Variants in HDAC7 observed in about 807,000 individuals in gnomAD.
HDAC7 encodes histone deacetylase 7A.
HDAC7 carries 26 observed loss-of-function variants against 115.5 expected under a neutral mutation model. The ratio of observed to expected loss-of-function variants is 0.23; its 90% CI spans 0.16 to 0.31. The LOEUF (loss-of-function observed/expected upper bound fraction) is 0.31. HDAC7 is among the 10% of genes least tolerant of loss of function. The pLI, the probability that HDAC7 is intolerant of heterozygous loss-of-function variation, is 1.00. For synonymous variants in HDAC7, 564 were observed against 550.9 expected (o/e 1.02, Z -0.33); for missense variants, 1,068 against 1,329.0 (o/e 0.80, Z 3.05).
At position 47,795,083 on chromosome 12, in the gene HDAC7, G is replaced by GC; in HGVS notation, c.1284+100dup. ...CCAAGAAGCCACATCCCCCTCTTTT[G>GC]CCCTCCAGTTCCCTGCCCTTTCTAA... On this transcript the variant is annotated intron_variant, in intron 11 of 25. Transcript: ENST00000080059. This position sits in a 1 kb window ranked among gnomAD's most constrained non-coding sequence, Gnocchi z 4.3. 7.6e-7 allele frequency: 1 copy of GC among 1,315,320 alleles called. No homozygotes were observed. Among genetic ancestry groups the GC allele is most frequent in the Non-Finnish European group, 1.1e-6 (1 of 940,296 alleles). The allele number at this position is 1,315,320 out of a possible 1,614,324, so 81.5% of individuals were successfully genotyped here. A position where few individuals can be genotyped will look rare whatever the true frequency, so the allele number is the denominator to read the frequency against.
intron 1 of HDAC7, chr12:47,819,029 C>T (rs1162608904): frequency 6.6e-6 from 1 of 152,430 alleles, no homozygotes; most frequent in South Asian, 2.1e-4. Context: ...GACCCCAGGC[C>T]TGGGGGGTGC....
Position 47,786,671 on chromosome 12 carries a change from G to A in HDAC7, c.2486C>T (p.Ser829Phe), listed in dbSNP as rs758968557. Residue 829 changes from serine (S) to phenylalanine (F), a missense_variant, in exon 22 of 26, where the codon TCT (serine) becomes TTT (phenylalanine). Ser to Phe is a radical substitution (Grantham distance 155). Around this residue, in one of 6 missense-constraint regions of HDAC7, gnomAD observed 182 missense variants for 301.1 expected, o/e 0.60. Transcript: ENST00000080059. ...IVVMPIAREF[S>F]PDLVLVSAGF... is the part of the protein sequence containing the mutation. ...AGCAGACACCAGGACTAGGTCTGGA[G>A]AGAACTCTCGGGCGATGGGCATCAC... The A allele has an allele frequency of 1.9e-6, 3 of 1,614,094 alleles. No homozygotes were observed. The highest frequency in any genetic ancestry group is 1.3e-5 in the African/African-American group (1 of 75,068).
intron 1 of HDAC7, among the ~76,000 whole-genome samples, chr12:47,816,549 C>A (rs1944855296): frequency 6.6e-6 from 1 of 152,176 alleles, no homozygotes; most frequent in African/African-American, 2.4e-5. Flanking sequence ...CACACAGATA[C>A]CCACCACGCA....
chr12:47,791,834 T>G, intron 14 of HDAC7, 37 bp downstream of exon 14: 2 of 481,988 alleles, frequency 4.1e-6, no homozygotes, highest in Non-Finnish European at 6.1e-6. Flanking sequence ...GACTCCTCCC[T>G]CCACCCATTC....
intron 1 of HDAC7, among the ~76,000 whole-genome samples, chr12:47,816,723 G>A (rs1944859672): frequency 6.6e-6 from 1 of 152,156 alleles, no homozygotes; most frequent in African/African-American, 2.4e-5. Context: ...CTTGCCCCAG[G>A]CAGCATGCTA....
At position 47,797,330 on chromosome 12, in the gene HDAC7, C is replaced by T. The variant is rs556118907; in HGVS notation, c.577+54G>A. ...CCCCTGCACACTCCTCCCCCATGTC[C>T]GAGGCCCTTCCCCCTTCCTTTGCCT... On this transcript the variant is annotated intron_variant, in intron 6 of 25. Coordinates refer to ENST00000080059, the MANE Select transcript of HDAC7 (RefSeq NM_015401.5). This position sits in a 1 kb window ranked among gnomAD's most constrained non-coding sequence, Gnocchi z 5.5. The T allele has an allele frequency of 3.0e-5, 45 of 1,503,290 alleles. No individual in the cohort carries two copies. In the African/African-American group the frequency reaches 4.1e-4, roughly 14 times the overall value. The allele number at this position is 1,503,290 out of a possible 1,614,324, so 93.1% of individuals were successfully genotyped here. A position where few individuals can be genotyped will look rare whatever the true frequency, so the allele number is the denominator to read the frequency against.
At chr12:47,799,100 C>A in intron 2 of HDAC7, 128 bp from the exon 3 acceptor site, 1 of 641,834 alleles carries the variant, frequency 1.6e-6, no homozygotes. Flanking sequence ...GGGGGTTTTT[C>A]CTCACTTAAT....
intron 24 of HDAC7, 194 bp downstream of exon 24, chr12:47,785,193 G>T (rs769543820): frequency 3.4e-6 from 2 of 586,784 alleles, no homozygotes; most frequent in South Asian, 2.1e-5. Flanking sequence ...GGCTCCATCG[G>T]GGGGGCTCAG....
intron 2 of HDAC7, among the ~76,000 whole-genome samples, chr12:47,800,202 A>G (rs182923328): frequency 6.6e-6 from 1 of 152,290 alleles, no homozygotes; most frequent in Admixed American, 6.5e-5. Context: ...GTTATCCTAA[A>G]TAAGGAAACC....
rs142871222 is a variant in HDAC7, at chr12:47,794,803, T to G, written c.1415A>C (p.Gln472Pro). ...AGGAGCGGGGCCTCTGGCCTCAGGCTGCCCATGGCCCAGCTCCCTGTGCTC... is the reference window on the plus strand; with the variant it reads ...AGGAGCGGGGCCTCTGGCCTCAGGCGGCCCATGGCCCAGCTCCCTGTGCTC... ...GLEHRELGHG[Q>P]PEARGPAPLQ... is the part of the protein sequence containing the mutation. The change falls in exon 12 of 26, where the codon CAG (glutamine) becomes CCG (proline). Residue 472 changes from glutamine (Q) to proline (P), a missense_variant. Physicochemically the swap from Gln to Pro is moderately conservative, Grantham distance 76 (BLOSUM62 -1). This residue lies in a region of HDAC7 where 618 missense variants were observed against 701.5 expected (regional missense o/e 0.88). Coordinates refer to ENST00000080059, the MANE Select transcript of HDAC7 (RefSeq NM_015401.5). 8.7e-6 allele frequency: 14 copies of G among 1,611,948 alleles called. No individual in the cohort carries two copies. Among genetic ancestry groups the G allele is most frequent in the Non-Finnish European group, 1.0e-5 (12 of 1,179,382 alleles).
chr12:47,796,921 TAAG>T (rs1943881336), intron 7 of HDAC7, 93 bp downstream of exon 7: 1 of 1,409,584 alleles, frequency 7.1e-7, no homozygotes, highest in Non-Finnish European at 9.4e-7. Context: ...ATGGCAGTCC[TAAG>T]GAGGGGACCC....
intron 24 of HDAC7, 127 bp from the exon 25 acceptor site, chr12:47,784,344 A>G (rs3192737): frequency 0.78 from 815,307 of 1,039,176 alleles, 322,034 homozygotes; most frequent in East Asian, 0.92. Flanking sequence ...TCCTCCACTT[A>G]GGGTCGGCTC....
Position 47,795,643 on chromosome 12 carries a change from C to A in HDAC7, c.1031G>T (p.Arg344Leu), listed in dbSNP as rs1943778626. ...GTCCAGGAGGAGAATGGGCTGCAGGCGAGAGGGCAAGGTGCCCCCAGCCTC... is the reference window on the plus strand; with the variant it reads ...GTCCAGGAGGAGAATGGGCTGCAGGAGAGAGGGCAAGGTGCCCCCAGCCTC... ...EPEAGGTLPSRLQPILLLDPS... is the reference protein window; with the variant it reads ...EPEAGGTLPSLLQPILLLDPS... The change falls in exon 10 of 26, where the codon CGC becomes CTC. Residue 344 changes from arginine (R) to leucine (L), a missense_variant. Coordinates refer to ENST00000080059, the MANE Select transcript of HDAC7 (RefSeq NM_015401.5). This position sits in a 1 kb window ranked among gnomAD's most constrained non-coding sequence, Gnocchi z 4.3. The A allele has an allele frequency of 6.4e-7, 1 of 1,555,706 alleles. No individual in the cohort carries two copies.
intron 17 of HDAC7, 52 bp downstream of exon 17, chr12:47,789,761 C>A (rs762371157): frequency 2.1e-5 from 30 of 1,456,536 alleles, no homozygotes; most frequent in Non-Finnish European, 2.7e-5. Context: ...CCCCACTACC[C>A]CACTCTGCTT....
intron 23 of HDAC7, 71 bp downstream of exon 23, chr12:47,785,681 T>C (rs769039283): frequency 4.4e-5 from 67 of 1,525,186 alleles, no homozygotes; most frequent in Non-Finnish European, 5.6e-5. Flanking sequence ...ATCTGCCTGC[T>C]CCTTGGGTAG....
At position 47,791,566 on chromosome 12, in the gene HDAC7, C is replaced by G; in HGVS notation, c.1933+20G>C. ...GGTGAGGTAAGCTGGCATGGGGAGA[C>G]AGGGCCACTAGGCCATTACCTGCCA... On this transcript the variant is annotated intron_variant, in intron 15 of 25. Coordinates refer to ENST00000080059, the MANE Select transcript of HDAC7 (RefSeq NM_015401.5). 6.3e-7 allele frequency: 1 copy of G among 1,594,760 alleles called. No homozygotes were observed. Among genetic ancestry groups the G allele is most frequent in the Non-Finnish European group, 8.5e-7 (1 of 1,170,604 alleles).
Position 47,793,666 on chromosome 12 carries a change from TG to T in HDAC7, c.1459-79del. Reference sequence around the variant, plus strand: ...TACTTCTGCCTGAGGTCTTGGGAACTGCCAAGCAGGCCCCTTTCCTAGAGAG... The same window carrying T: ...TACTTCTGCCTGAGGTCTTGGGAACTCCAAGCAGGCCCCTTTCCTAGAGAG... On this transcript the variant is annotated intron_variant, in intron 12 of 25. Transcript: ENST00000080059. The surrounding 1 kb of genome is among the most constrained non-coding windows in gnomAD (Gnocchi z 4.5). 1.8e-6 allele frequency: 2 copies of T among 1,125,362 alleles called. No homozygotes were observed. The highest frequency in any genetic ancestry group is 2.5e-6 in the Non-Finnish European group (2 of 808,104). 69.7% of individuals were successfully genotyped at this position (1,125,362 alleles called of 1,614,324 possible).
chr12:47,795,754 C>G lies in HDAC7; in HGVS notation c.920G>C (p.Arg307Pro). Residue 307 changes from arginine (R) to proline (P), a missense_variant, in exon 10 of 26, where the codon CGC becomes CCC. By Grantham distance (103) the Arg-to-Pro change is moderately radical. Transcript: ENST00000080059. This position sits in a 1 kb window ranked among gnomAD's most constrained non-coding sequence, Gnocchi z 4.3. ...AGGGCCCAGAGTCGGATGGGTCCTG[C>G]GGTCACTGTCAGCCTGGGGGAGAGG... Reference protein sequence around the residue: ...LPAPARADSDRRTHPTLGPRG... With the variant: ...LPAPARADSDPRTHPTLGPRG... 1.3e-6 allele frequency: 2 copies of G among 1,535,674 alleles called. No individual in the cohort carries two copies. The highest frequency in any genetic ancestry group is 1.8e-6 in the Non-Finnish European group (2 of 1,138,856).
At chr12:47,800,434 G>A (rs1231943029) in intron 2 of HDAC7, among the ~76,000 whole-genome samples, 1 of 152,184 alleles carries the variant, frequency 6.6e-6, no homozygotes, top group African/African-American at 2.4e-5. Flanking sequence ...ACACAAGACA[G>A]GAGCCCAGCA....
Sources: gnomAD v4.1 joint callset for allele counts (sites outside exome capture counted in the v4.1 genomes callset) on GRCh38, gnomAD v4.1.1 for gene constraint, gnomAD v4.1.1 regional missense constraint, Gnocchi (gnomAD v3.1) non-coding constraint, MANE v1.5 for transcripts, NCBI Gene and HGNC (gene_info 2026-07-23, HGNC 2026-07-21) for gene names.